Variants in TMEM201 observed in about 807,000 individuals in gnomAD.
TMEM201 encodes RP13-15M17.2.
TMEM201 carries 26 observed loss-of-function variants against 63.4 expected under a neutral mutation model. The ratio of observed to expected loss-of-function variants is 0.41; its 90% CI spans 0.30 to 0.57. The LOEUF is 0.57. Among genes scored for constraint, TMEM201 ranks in the 20% least tolerant of loss-of-function variants. TMEM201 has a pLI of 0.29. For synonymous variants in TMEM201, 417 were observed against 421.6 expected, an observed-to-expected ratio of 0.99 and a Z score of 0.14; for missense variants, 794 against 917.7, an observed-to-expected ratio of 0.87 and a Z score of 1.74.
chr1:9,607,216 G>C lies in TMEM201; in HGVS notation c.1161-341G>C, dbSNP rs77039006. Among the ~76,000 whole-genome samples, 1 of 152,258 alleles carries C rather than the reference G, an allele frequency of 6.6e-6. No homozygotes were observed. The highest frequency in any genetic ancestry group is 1.9e-4 in the East Asian group (1 of 5,180). ...CATTGAGTGCCTGGCACGGGGCTGG[G>C]CATTTTTGCTTCAAGGCGAAAGGGT... On this transcript the variant is annotated intron_variant, in intron 6 of 10. Transcript: ENST00000340381. The surrounding 1 kb of genome is among the most constrained non-coding windows in gnomAD (Gnocchi z 5.4).
Position 9,608,271 on chromosome 1 carries a change from A to G in TMEM201, c.1393+482A>G, listed in dbSNP as rs1644275377. ...TAAAAATAAAGTGCCCAGAATTGCC[A>G]TATCATCTGGGAGCCCCAGCACGGC... On this transcript the variant is annotated intron_variant, in intron 7 of 10. Transcript: ENST00000340381. The surrounding 1 kb of genome is among the most constrained non-coding windows in gnomAD (Gnocchi z 4.3). 6.6e-6 allele frequency among the ~76,000 whole-genome samples: 1 copy of G among 152,046 alleles called. No individual in the cohort carries two copies. The highest frequency in any genetic ancestry group is 6.6e-5 in the Admixed American group (1 of 15,266).
At position 9,605,538 on chromosome 1, in the gene TMEM201, G is replaced by A. The variant is rs1014988472; in HGVS notation, c.1161-2019G>A. On this transcript the variant is annotated intron_variant, in intron 6 of 10. Coordinates refer to ENST00000340381, the MANE Select transcript of TMEM201 (RefSeq NM_001130924.3). This position sits in a 1 kb window ranked among gnomAD's most constrained non-coding sequence, Gnocchi z 5.7. Reference sequence around the variant, plus strand: ...GATTGGGCTCCTTTAGCTGGCGGAGGCTCGCTGGGGCGCCTGTACAGAGCC... The same window carrying A: ...GATTGGGCTCCTTTAGCTGGCGGAGACTCGCTGGGGCGCCTGTACAGAGCC... Among the ~76,000 whole-genome samples the A allele has an allele frequency of 1.1e-4, 17 of 152,072 alleles. No homozygotes were observed. Among genetic ancestry groups the A allele is most frequent in the African/African-American group, 3.6e-4 (15 of 41,458 alleles).
At position 9,605,050 on chromosome 1, in the gene TMEM201, G is replaced by A. The variant is rs1348075534; in HGVS notation, c.1161-2507G>A. ...GCAGCTGTGTTTGGGGTACAGACACGTCCACAGGAGTCAGGTTTGGGAGCC... is the reference window on the plus strand; with the variant it reads ...GCAGCTGTGTTTGGGGTACAGACACATCCACAGGAGTCAGGTTTGGGAGCC... On this transcript the variant is annotated intron_variant, in intron 6 of 10. Coordinates refer to ENST00000340381, the MANE Select transcript of TMEM201 (RefSeq NM_001130924.3). The surrounding 1 kb of genome is among the most constrained non-coding windows in gnomAD (Gnocchi z 5.7). 7.1e-6 allele frequency: 7 copies of A among 980,006 alleles called. No individual in the cohort carries two copies. Among genetic ancestry groups the A allele is most frequent in the South Asian group, 4.7e-5 (1 of 21,200 alleles). The allele number at this position is 980,006 out of a possible 1,614,324, so 60.7% of individuals were successfully genotyped here.
rs1644184066 is a variant in TMEM201, at chr1:9,603,420, C to T, written c.1160+1148C>T. On this transcript the variant is annotated intron_variant, in intron 6 of 10. Transcript: ENST00000340381. The surrounding 1 kb of genome is among the most constrained non-coding windows in gnomAD (Gnocchi z 4.5). ...GAAGTTCCCGGCCTGGGGGCTTTAT[C>T]CAGGGGTCCCAGTCGAGAGTGGCCC... is the stretch of plus-strand genomic sequence containing the variant. 3.0e-6 allele frequency: 3 copies of T among 985,374 alleles called. No homozygotes were observed. The Admixed American group carries it at 1.8e-4, about 61-fold the overall frequency. 61.0% of individuals were successfully genotyped at this position (985,374 alleles called of 1,614,324 possible).
In TMEM201 at chr1:9,613,220, C is replaced by T. The variant is rs1644349351; in HGVS notation, c.*137C>T. The T allele has an allele frequency of 1.3e-6, 1 of 742,328 alleles. No individual in the cohort carries two copies. The highest frequency in any genetic ancestry group is 2.7e-5 in the East Asian group (1 of 36,926). The allele number at this position is 742,328 out of a possible 1,614,324, so 46.0% of individuals were successfully genotyped here. ...CTTGACCTCACTGGACTGTGACTGT[C>T]CTCAGGACACCTGCCCCTCCTCACC... On this transcript the variant is annotated 3_prime_UTR_variant, in exon 11 of 11. Coordinates refer to ENST00000340381, the MANE Select transcript of TMEM201 (RefSeq NM_001130924.3).
rs1267118815 is a variant in TMEM201 at position 9,608,276 on chromosome 1, A to G, written c.1393+487A>G. On this transcript the variant is annotated intron_variant, in intron 7 of 10. Transcript: ENST00000340381. This position sits in a 1 kb window ranked among gnomAD's most constrained non-coding sequence, Gnocchi z 4.3. Reference sequence around the variant, plus strand: ...ATAAAGTGCCCAGAATTGCCATATCATCTGGGAGCCCCAGCACGGCCCCTT... The same window carrying G: ...ATAAAGTGCCCAGAATTGCCATATCGTCTGGGAGCCCCAGCACGGCCCCTT... Among the ~76,000 whole-genome samples the G allele has an allele frequency of 1.3e-5, 2 of 152,046 alleles. No individual in the cohort carries two copies. The highest frequency in any genetic ancestry group is 4.8e-5 in the African/African-American group (2 of 41,386).
In TMEM201 at chr1:9,613,009, CG is replaced by C; in HGVS notation, c.1931del (p.Gly644AlafsTer5). The part of the protein sequence containing the change: ...WRGRFGPSLV[R>X]GLLAVSLAAN... ...AGGTCGTTTCGGCCCTTCCCTGGTCCGGGGCCTCCTGGCCGTGAGCTTGGCC... is the reference window on the plus strand; with the variant it reads ...AGGTCGTTTCGGCCCTTCCCTGGTCCGGGCCTCCTGGCCGTGAGCTTGGCC... On this transcript the variant is annotated frameshift_variant, in exon 11 of 11. Coordinates refer to ENST00000340381, the MANE Select transcript of TMEM201 (RefSeq NM_001130924.3). LOFTEE classifies it high-confidence loss of function. 6.4e-7 allele frequency: 1 copy of C among 1,551,548 alleles called. No homozygotes were observed. The highest frequency in any genetic ancestry group is 8.7e-7 in the Non-Finnish European group (1 of 1,146,950).
In TMEM201 at chr1:9,603,794, G is replaced by A; in HGVS notation, c.1160+1522G>A. On this transcript the variant is annotated intron_variant, in intron 6 of 10. Coordinates refer to ENST00000340381, the MANE Select transcript of TMEM201 (RefSeq NM_001130924.3). This position sits in a 1 kb window ranked among gnomAD's most constrained non-coding sequence, Gnocchi z 4.5. ...CAAGTGAGGAACCCAGGTGCATCGG[G>A]AGACCCTCGGGGGCTTCTGTGGCCT... is the stretch of plus-strand genomic sequence containing the variant. 1.0e-6 allele frequency: 1 copy of A among 985,460 alleles called. No individual in the cohort carries two copies. Among genetic ancestry groups the A allele is most frequent in the Non-Finnish European group, 1.2e-6 (1 of 829,950 alleles). The allele number at this position is 985,460 out of a possible 1,614,324, so 61.0% of individuals were successfully genotyped here. A position where few individuals can be genotyped will look rare whatever the true frequency, so the allele number is the denominator to read the frequency against.
Position 9,605,668 on chromosome 1 carries a change from CAGCACCATCTTCAGT to C in TMEM201, c.1161-1888_1161-1874del, listed in dbSNP as rs1226744946. Among the ~76,000 whole-genome samples, 22 of 152,018 alleles carry C rather than the reference CAGCACCATCTTCAGT, an allele frequency of 1.4e-4. No homozygotes were observed. The highest frequency in any genetic ancestry group is 1.2e-4 in the Non-Finnish European group (8 of 68,042). On this transcript the variant is annotated intron_variant, in intron 6 of 10. Transcript: ENST00000340381. This position sits in a 1 kb window ranked among gnomAD's most constrained non-coding sequence, Gnocchi z 5.7. ...AGTCAAACTGCGAAGGAACTCCCCA[CAGCACCATCTTCAGT>C]GGCACCAAACTGGGAACAACAGCCC... is the stretch of plus-strand genomic sequence containing the variant.
intron 1 of TMEM201, 80 bp downstream of exon 1, chr1:9,589,123 C>G (rs867377328): frequency 4.4e-5 from 29 of 664,224 alleles, no homozygotes; most frequent in African/African-American, 7.9e-5. Context: ...CCCGCTGCCC[C>G]CCTCGGCCGG....
At chr1:9,593,932 C>T (rs989974085) in intron 1 of TMEM201, among the ~76,000 whole-genome samples, 1 of 152,258 alleles carries the variant, frequency 6.6e-6, no homozygotes, top group African/African-American at 2.4e-5. Flanking sequence ...CAGGGAAGTC[C>T]ACGTGCTTAG....
intron 2 of TMEM201, 108 bp from the exon 3 acceptor site, chr1:9,596,751 T>G: frequency 9.0e-6 from 10 of 1,114,362 alleles, no homozygotes; most frequent in Non-Finnish European, 1.3e-5. Context: ...TGGAGATGTT[T>G]GAGATCTACC....
chr1:9,591,901 C>T (rs960940766), intron 1 of TMEM201, among the ~76,000 whole-genome samples: 3 of 152,222 alleles, frequency 2.0e-5, no homozygotes, highest in African/African-American at 7.2e-5. Context: ...TCAGGGCGAC[C>T]GCAGATGCCC....
At chr1:9,594,244 G>T (rs563128511) in intron 1 of TMEM201, among the ~76,000 whole-genome samples, 2 of 152,348 alleles carry the variant, frequency 1.3e-5, no homozygotes, top group East Asian at 3.9e-4. Context: ...CCGTTTCGTC[G>T]CTGGTCTGCA....
In TMEM201 at chr1:9,609,989, G is replaced by A; in HGVS notation, c.1465+78G>A. On this transcript the variant is annotated intron_variant, in intron 8 of 10. Transcript: ENST00000340381. Reference sequence around the variant, plus strand: ...TTCCAGAGCATGGTGGTTTGTGTGAGCTTTGGGGTCAGACAGACCCCAAGT... The same window carrying A: ...TTCCAGAGCATGGTGGTTTGTGTGAACTTTGGGGTCAGACAGACCCCAAGT... 4 of 1,410,348 alleles carry A rather than the reference G, an allele frequency of 2.8e-6. No homozygotes were observed. The South Asian group carries it at 3.7e-5, about 13-fold the overall frequency. The allele number at this position is 1,410,348 out of a possible 1,614,324, so 87.4% of individuals were successfully genotyped here. A position where few individuals can be genotyped will look rare whatever the true frequency, so the allele number is the denominator to read the frequency against.
In TMEM201 at chr1:9,610,549, C is replaced by A. The variant is rs192960233; in HGVS notation, c.1509C>A (p.Leu503=). ...LLSGSCPSSP[L]PSPAPSVAGS... ...CGGGGAGCTGCCCCTCCTCCCCACTCCCTTCCCCAGCGCCTTCCGTGGCCG... is the reference window on the plus strand; with the variant it reads ...CGGGGAGCTGCCCCTCCTCCCCACTACCTTCCCCAGCGCCTTCCGTGGCCG... The change falls in exon 9 of 11, where the codon CTC becomes CTA. Residue 503 remains leucine (L), a synonymous_variant. Coordinates refer to ENST00000340381, the MANE Select transcript of TMEM201 (RefSeq NM_001130924.3). This position sits in a 1 kb window ranked among gnomAD's most constrained non-coding sequence, Gnocchi z 4.9. The A allele has an allele frequency of 5.8e-3, 9,029 of 1,547,604 alleles. 41 individuals carry two copies. Among genetic ancestry groups the A allele is most frequent in the Non-Finnish European group, 7.1e-3 (8,179 of 1,144,746 alleles).
intron 5 of TMEM201, among the ~76,000 whole-genome samples, 179 bp from the exon 6 acceptor site, chr1:9,601,890 C>G (rs746969846): frequency 2.0e-5 from 3 of 152,220 alleles, no homozygotes; most frequent in African/African-American, 7.2e-5. Flanking sequence ...AGGAGAAACA[C>G]TGACCCACCT....
chr1:9,610,641 A>G lies in TMEM201; in HGVS notation c.1601A>G (p.Asn534Ser), dbSNP rs745370346. 14 of 1,550,564 alleles carry G rather than the reference A, an allele frequency of 9.0e-6. No individual in the cohort carries two copies. Among genetic ancestry groups the G allele is most frequent in the Middle Eastern group, 1.7e-4 (1 of 5,992 alleles). The change falls in exon 9 of 11, where the codon AAC becomes AGC. Residue 534 changes from asparagine (N) to serine (S), a missense_variant. By Grantham distance (46) the Asn-to-Ser change is conservative. Transcript: ENST00000340381. This position sits in a 1 kb window ranked among gnomAD's most constrained non-coding sequence, Gnocchi z 4.9. ...CCCCTCATCAGCCCTGCCCGGCTCA[A>G]CCTGAAGGGACAGAAGCTGCTGCTG... is the stretch of plus-strand genomic sequence containing the variant. ...RRPLISPARL[N>S]LKGQKLLLFP...
At position 9,607,528 on chromosome 1, in the gene TMEM201, C is replaced by T; in HGVS notation, c.1161-29C>T. ...TCCAGGACCTCCCGCTGACCCTCTT[C>T]TTGTCCCGTGCCTGACGGGCCCTTG... On this transcript the variant is annotated intron_variant, in intron 6 of 10. Coordinates refer to ENST00000340381, the MANE Select transcript of TMEM201 (RefSeq NM_001130924.3). This position sits in a 1 kb window ranked among gnomAD's most constrained non-coding sequence, Gnocchi z 5.4. 2.0e-6 allele frequency: 3 copies of T among 1,521,416 alleles called. No homozygotes were observed. Among genetic ancestry groups the T allele is most frequent in the African/African-American group, 1.4e-5 (1 of 72,782 alleles). 94.2% of individuals were successfully genotyped at this position (1,521,416 alleles called of 1,614,324 possible). A position where few individuals can be genotyped will look rare whatever the true frequency, so the allele number is the denominator to read the frequency against.
Sources: gnomAD v4.1 joint callset for allele counts (sites outside exome capture counted in the v4.1 genomes callset) on GRCh38, gnomAD v4.1.1 for gene constraint, Gnocchi (gnomAD v3.1) non-coding constraint, MANE v1.5 for transcripts, NCBI Gene and HGNC (gene_info 2026-07-23, HGNC 2026-07-21) for gene names.